The following CNTN6 variants were observed in gnomAD, a reference collection of about 807,000 sequenced individuals.
The protein encoded by CNTN6 is contactin-6.
A neutral mutation model predicts 122.8 loss-of-function variants in CNTN6; 137 were observed. That is an observed-to-expected ratio of 1.12 (90% CI 0.97 to 1.29). The LOEUF (loss-of-function observed/expected upper bound fraction) is 1.29, where lower values mean the gene tolerates loss of function less well. CNTN6 is among the 50% of genes most tolerant of loss of function. The probability of loss-of-function intolerance (pLI) is 0.00; values close to 1 mark genes in which losing one functional copy is unlikely to be tolerated. For synonymous variants in CNTN6, 570 were observed against 426.0 expected (o/e 1.34, Z -4.16); for missense variants, 1,634 against 1,223.4 (o/e 1.34, Z -5.01).
chr3:1,402,736 G>A (rs575071767), intron 22 of CNTN6: 6 of 363,336 alleles, frequency 1.7e-5, no homozygotes, highest in Non-Finnish European at 3.0e-5. Context: ...TGTGTCATTA[G>A]AGCATAATTG....
At chr3:1,220,863 C>T (rs1200283576) in intron 3 of CNTN6, 50 bp downstream of exon 3, 1 of 1,530,070 alleles carries the variant, frequency 6.5e-7, no homozygotes, top group African/African-American at 1.4e-5. Context: ...CCTCACTGAA[C>T]CAAAACATAC....
At chr3:1,247,458 A>AC (rs1169358305) in intron 4 of CNTN6, among the ~76,000 whole-genome samples, 2 of 152,118 alleles carry the variant, frequency 1.3e-5, no homozygotes, top group Non-Finnish European at 2.9e-5. Context: ...TGGTTTAAAA[A>AC]AAAAAGAGGC....
At chr3:1,322,266 A>G (rs1317242949) in intron 8 of CNTN6, among the ~76,000 whole-genome samples, 1 of 151,680 alleles carries the variant, frequency 6.6e-6, no homozygotes, top group Non-Finnish European at 1.5e-5. Context: ...TAGTTTTCAT[A>G]TTTTGTCTAC....
intron 2 of CNTN6, among the ~76,000 whole-genome samples, chr3:1,177,112 C>T (rs949686639): frequency 1.3e-5 from 2 of 152,126 alleles, no homozygotes; most frequent in African/African-American, 2.4e-5. Context: ...GAACCCTTCT[C>T]CATGGCCTGG....
chr3:1,123,329 T>C (rs1482320542), intron 1 of CNTN6, among the ~76,000 whole-genome samples: 4 of 151,852 alleles, frequency 2.6e-5, no homozygotes, highest in Non-Finnish European at 5.9e-5. Flanking sequence ...ATGTCAGCAA[T>C]ATTTTCTAGT....
At chr3:1,329,680 A>C in intron 10 of CNTN6, 105 bp from the exon 11 acceptor site, 1 of 898,048 alleles carries the variant, frequency 1.1e-6, no homozygotes, top group Non-Finnish European at 1.6e-6. Context: ...TGAAAAGAGG[A>C]TACAGCTATA....
chr3:1,330,198 T>C (rs1407942670), intron 11 of CNTN6, among the ~76,000 whole-genome samples: 2 of 151,914 alleles, frequency 1.3e-5, no homozygotes, highest in African/African-American at 2.4e-5. Context: ...TTTAAGACCT[T>C]TTTCTACATT....
intron 11 of CNTN6, among the ~76,000 whole-genome samples, chr3:1,341,503 T>C (rs1218221301): frequency 6.6e-6 from 1 of 152,178 alleles, no homozygotes; most frequent in Non-Finnish European, 1.5e-5. Flanking sequence ...TAACATTTTA[T>C]GGGAGTCAGC....
intron 1 of CNTN6, among the ~76,000 whole-genome samples, chr3:1,137,529 T>A (rs2092508395): frequency 6.6e-6 from 1 of 152,188 alleles, no homozygotes; most frequent in African/African-American, 2.4e-5. Context: ...TAAGAGGTCA[T>A]CTAGTTGAAC....
intron 7 of CNTN6, among the ~76,000 whole-genome samples, chr3:1,306,316 G>A (rs1176369023): frequency 6.6e-6 from 1 of 152,056 alleles, no homozygotes; most frequent in Non-Finnish European, 1.5e-5. Flanking sequence ...ACATGACGTG[G>A]TATTGCTTGG....
At chr3:1,207,010 A>G (rs918677717) in intron 2 of CNTN6, among the ~76,000 whole-genome samples, 1 of 152,010 alleles carries the variant, frequency 6.6e-6, no homozygotes, top group South Asian at 2.1e-4. Flanking sequence ...TTTGCTTTGT[A>G]TACACTCAAT....
At chr3:1,230,914 G>A (rs1253362432) in intron 4 of CNTN6, among the ~76,000 whole-genome samples, 1 of 152,184 alleles carries the variant, frequency 6.6e-6, no homozygotes, top group East Asian at 1.9e-4. Flanking sequence ...AATAAGCCTG[G>A]TAGTAGAGGC....
chr3:1,298,947 C>T (rs1037580357), intron 7 of CNTN6, among the ~76,000 whole-genome samples: 2 of 152,044 alleles, frequency 1.3e-5, no homozygotes, highest in African/African-American at 2.4e-5. Context: ...ACTTAGTCTC[C>T]AAATTCTAGA....
intron 4 of CNTN6, among the ~76,000 whole-genome samples, chr3:1,270,262 A>G (rs890605275): frequency 1.3e-5 from 2 of 152,230 alleles, no homozygotes; most frequent in African/African-American, 4.8e-5. Context: ...AAAATCACTC[A>G]AGAAATAGGA....
At chr3:1,206,272 T>C (rs2093957084) in intron 2 of CNTN6, among the ~76,000 whole-genome samples, 1 of 152,158 alleles carries the variant, frequency 6.6e-6, no homozygotes, top group Non-Finnish European at 1.5e-5. Flanking sequence ...CAGCTGATGA[T>C]CTTCCTACTT....
chr3:1,216,151 T>C (rs982316121), intron 2 of CNTN6, among the ~76,000 whole-genome samples: 1 of 117,806 alleles, frequency 8.5e-6, no homozygotes, highest in Non-Finnish European at 1.6e-5. Flanking sequence ...CCCACTTTAC[T>C]TTTTTTTTTT....
intron 1 of CNTN6, among the ~76,000 whole-genome samples, chr3:1,140,819 C>T (rs903652310): frequency 6.6e-6 from 1 of 152,196 alleles, no homozygotes; most frequent in African/African-American, 2.4e-5. Flanking sequence ...AAAAGCAGTA[C>T]TGCTTCTTCT....
intron 11 of CNTN6, among the ~76,000 whole-genome samples, chr3:1,340,754 C>G (rs1297114444): frequency 6.6e-6 from 1 of 152,118 alleles, no homozygotes; most frequent in Non-Finnish European, 1.5e-5. Context: ...GGAAATTCCA[C>G]TAGCATCCAT....
intron 4 of CNTN6, among the ~76,000 whole-genome samples, chr3:1,274,881 T>A (rs912091609): frequency 7.2e-5 from 11 of 152,134 alleles, no homozygotes; most frequent in African/African-American, 2.7e-4. Flanking sequence ...ATTCATCATT[T>A]TATTTAATCC....
Sources: allele counts gnomAD v4.1 joint callset (sites outside exome capture counted in the v4.1 genomes callset), GRCh38; gene constraint gnomAD v4.1.1; transcripts MANE v1.5; gene names NCBI Gene and HGNC (gene_info 2026-07-23, HGNC 2026-07-21).